The following DTX2 variants were observed in gnomAD, a reference collection of about 807,000 sequenced individuals.
The protein encoded by DTX2 is deltex E3 ubiquitin ligase 2.
In DTX2, 29 loss-of-function variants were observed where a neutral mutation model predicts 55.3. The ratio of observed to expected loss-of-function variants is 0.52; its 90% CI spans 0.39 to 0.71. DTX2 has a LOEUF of 0.71. DTX2 is among the 30% of genes least tolerant of loss of function. DTX2 has a pLI of 0.00. For synonymous variants in DTX2, 276 were observed against 340.4 expected, an observed-to-expected ratio of 0.81 and a Z score of 2.08; for missense variants, 537 against 822.5, an observed-to-expected ratio of 0.65 and a Z score of 4.25.
rs938001353 is a variant in DTX2 at position 76,505,614 on chromosome 7, G to A, written c.*13G>A. The A allele has an allele frequency of 4.0e-6, 6 of 1,502,802 alleles. No individual in the cohort carries two copies. In the African/African-American group the frequency reaches 6.9e-5, roughly 17 times the overall value. 93.1% of individuals were successfully genotyped at this position (1,502,802 alleles called of 1,614,324 possible). ...GGAGCAGCAGTGACCTCGCACCCCA[G>A]CACGCCCGCCTCTGGTGGCCACCCC... On this transcript the variant is annotated 3_prime_UTR_variant, in exon 11 of 11. Coordinates refer to ENST00000430490, the MANE Select transcript of DTX2 (RefSeq NM_001102594.3). The surrounding 1 kb of genome is among the most constrained non-coding windows in gnomAD (Gnocchi z 4.4).
chr7:76,505,059 T>A lies in DTX2; in HGVS notation c.1642-315T>A, dbSNP rs992845970. ...CCTGGATTCCACCAGGGAGGGTGGG[T>A]GGGCGGGCGCTCGTCCAGCAACGGC... On this transcript the variant is annotated intron_variant, in intron 10 of 10. Transcript: ENST00000430490. The surrounding 1 kb of genome is among the most constrained non-coding windows in gnomAD (Gnocchi z 4.4). Among the ~76,000 whole-genome samples the A allele has an allele frequency of 3.3e-4, 1 of 3,064 alleles. No homozygotes were observed. The highest frequency in any genetic ancestry group is 6.5e-4 in the Non-Finnish European group (1 of 1,534). The allele number at this position is 3,064 out of a possible 152,430, so 2.0% of individuals were successfully genotyped here.
In DTX2 at chr7:76,505,491, A is replaced by G; in HGVS notation, c.1759A>G (p.Met587Val). 3 of 1,610,070 alleles carry G rather than the reference A, an allele frequency of 1.9e-6. No individual in the cohort carries two copies. Among genetic ancestry groups the G allele is most frequent in the Non-Finnish European group, 2.5e-6 (3 of 1,178,390 alleles). ...GAACGAGATCCACCACAAGACAGAGATGGACCGCAACATTACGGGCCACGG... is the reference window on the plus strand; with the variant it reads ...GAACGAGATCCACCACAAGACAGAGGTGGACCGCAACATTACGGGCCACGG... Reference protein sequence around the residue: ...VWNEIHHKTEMDRNITGHGYP... With the variant: ...VWNEIHHKTEVDRNITGHGYP... The change falls in exon 11 of 11, where the codon ATG becomes GTG. Residue 587 changes from methionine to valine, a missense_variant. Coordinates refer to ENST00000430490, the MANE Select transcript of DTX2 (RefSeq NM_001102594.3). The surrounding 1 kb of genome is among the most constrained non-coding windows in gnomAD (Gnocchi z 4.4).
chr7:76,482,516 CG>C lies in DTX2; in HGVS notation c.280del (p.Ala94LeufsTer22). On this transcript the variant is annotated frameshift_variant, in exon 4 of 11. Transcript: ENST00000430490. LOFTEE classifies it high-confidence loss of function. ...TQFRQDTGTMRAVRRHLFPQH... is the reference protein window; with the variant it reads ...TQFRQDTGTMXAVRRHLFPQH... ...TTTTCCTTTGAAAATAGGCACCATG[CG>C]GGCTGTGCGGAGACACCTGTTCCCC... is the stretch of plus-strand genomic sequence containing the variant. 1.3e-6 allele frequency: 2 copies of C among 1,592,252 alleles called. No individual in the cohort carries two copies. The highest frequency in any genetic ancestry group is 1.7e-6 in the Non-Finnish European group (2 of 1,164,826).
intron 3 of DTX2, 116 bp downstream of exon 3, chr7:76,480,893 C>T (rs1809116471): frequency 4.9e-6 from 6 of 1,232,274 alleles, no homozygotes. Flanking sequence ...TCTCTCCCTG[C>T]AGCACACGTG....
chr7:76,475,268 G>A (rs1350351015), intron 2 of DTX2, among the ~76,000 whole-genome samples: 3 of 149,586 alleles, frequency 2.0e-5, no homozygotes, highest in South Asian at 2.1e-4. Flanking sequence ...CCGAGATCAC[G>A]CCATTGCACT....
At chr7:76,495,678 G>A (rs954251869) in intron 5 of DTX2, among the ~76,000 whole-genome samples, 10 of 150,464 alleles carry the variant, frequency 6.6e-5, no homozygotes, top group African/African-American at 1.7e-4. Context: ...CTGCCCCAGC[G>A]GGGTGCTGGA....
At chr7:76,501,974 C>T (rs1346847087) in intron 7 of DTX2, 7 of 353,784 alleles carry the variant, frequency 2.0e-5, no homozygotes, top group Non-Finnish European at 3.5e-5. Context: ...GCAACCTCTG[C>T]CCCCTGAGTT....
Position 76,483,137 on chromosome 7 carries a change from G to A in DTX2, c.898G>A (p.Gly300Ser), listed in dbSNP as rs767727619. 29 of 1,610,398 alleles carry A rather than the reference G, an allele frequency of 1.8e-5. No individual in the cohort carries two copies. The highest frequency in any genetic ancestry group is 8.9e-5 in the East Asian group (4 of 44,874). ...QHLPPGSSTS[G>S]AVSASLPSGP... Reference sequence around the variant, plus strand: ...CCTGCCCCCAGGATCCTCCACCTCCGGTGCAGTCAGGTATCGTGGGCAACG... The same window carrying A: ...CCTGCCCCCAGGATCCTCCACCTCCAGTGCAGTCAGGTATCGTGGGCAACG... The change falls in exon 4 of 11, where the codon GGT becomes AGT. Residue 300 changes from glycine to serine, a missense_variant. Gly to Ser is a moderately conservative substitution (Grantham distance 56). Transcript: ENST00000430490.
At chr7:76,486,786 T>C (rs1337742912) in intron 4 of DTX2, among the ~76,000 whole-genome samples, 1 of 142,596 alleles carries the variant, frequency 7.0e-6, no homozygotes, top group African/African-American at 2.5e-5. Context: ...TGCTCTGTGC[T>C]GAATGGCTCA....
chr7:76,475,714 A>G (rs1323796010), intron 2 of DTX2, among the ~76,000 whole-genome samples: 3 of 150,680 alleles, frequency 2.0e-5, no homozygotes, highest in African/African-American at 4.9e-5. Flanking sequence ...AAAAAATCCC[A>G]TAATTCTTTG....
chr7:76,474,928 T>C lies in DTX2; in HGVS notation c.-89-5493T>C, dbSNP rs1055094. ...CCACGATCCTCTGGACAGAGATTTG[T>C]GGCGAAGACCTGACGAGAGACTGTA... On this transcript the variant is annotated intron_variant, in intron 2 of 10. Transcript: ENST00000430490. The C allele has an allele frequency of 5.3e-5, 8 of 152,194 alleles. No individual in the cohort carries two copies. The East Asian group carries it at 5.8e-4, about 11-fold the overall frequency. 9.4% of individuals were successfully genotyped at this position (152,194 alleles called of 1,614,324 possible). A position where few individuals can be genotyped will look rare whatever the true frequency, so the allele number is the denominator to read the frequency against.
intron 2 of DTX2, among the ~76,000 whole-genome samples, chr7:76,468,188 G>A (rs1286046532): frequency 1.3e-5 from 2 of 152,282 alleles, no homozygotes; most frequent in Non-Finnish European, 2.9e-5. Flanking sequence ...GGGTGCTGTT[G>A]GCATGCTGCC....
Position 76,503,594 on chromosome 7 carries a change from G to T in DTX2, c.1551+7G>T, listed in dbSNP as rs771754261. 1.4e-5 allele frequency: 22 copies of T among 1,606,180 alleles called. No individual in the cohort carries two copies. The Admixed American group carries it at 1.8e-4, about 13-fold the overall frequency. ...CATTCCCCATGGTATCCAGGTGAGGGGCCTTCTTGAGTCCCCCACTCCTGG... is the reference window on the plus strand; with the variant it reads ...CATTCCCCATGGTATCCAGGTGAGGTGCCTTCTTGAGTCCCCCACTCCTGG... On this transcript the variant is annotated splice_region_variant and intron_variant, in intron 9 of 10. Transcript: ENST00000430490.
At chr7:76,467,991 G>A (rs553157530) in intron 2 of DTX2, among the ~76,000 whole-genome samples, 4 of 152,410 alleles carry the variant, frequency 2.6e-5, no homozygotes, top group Admixed American at 6.5e-5. Context: ...AGGGCATCCC[G>A]AGGACAGCTT....
intron 2 of DTX2, among the ~76,000 whole-genome samples, chr7:76,472,712 A>G (rs953994681): frequency 3.3e-5 from 5 of 151,192 alleles, no homozygotes; most frequent in African/African-American, 4.9e-5. Flanking sequence ...AAGTCAAACA[A>G]AACGTCTCCT....
chr7:76,474,130 A>G (rs1395919306), intron 2 of DTX2, among the ~76,000 whole-genome samples: 3 of 151,450 alleles, frequency 2.0e-5, no homozygotes, highest in Non-Finnish European at 4.4e-5. Flanking sequence ...CATGTTGGTC[A>G]GGCTGGTCTC....
At position 76,505,960 on chromosome 7, in the gene DTX2, A is replaced by G. The variant is rs544517113; in HGVS notation, c.*359A>G. 3.8e-4 allele frequency: 151 copies of G among 399,382 alleles called. 2 individuals carry two copies. The highest frequency in any genetic ancestry group is 3.8e-3 in the Middle Eastern group (6 of 1,590). The allele number at this position is 399,382 out of a possible 1,614,324, so 24.7% of individuals were successfully genotyped here. The stretch of plus-strand genomic sequence containing the variant: ...TTCTGGGTCAGCTTCTTTTACCTCA[A>G]TTTTGTTTGCAATAAATGCTCTATA... On this transcript the variant is annotated 3_prime_UTR_variant, in exon 11 of 11. Transcript: ENST00000430490. The surrounding 1 kb of genome is among the most constrained non-coding windows in gnomAD (Gnocchi z 4.4).
intron 6 of DTX2, among the ~76,000 whole-genome samples, chr7:76,498,479 G>C (rs1247335724): frequency 3.2e-4 from 47 of 148,146 alleles, no homozygotes; most frequent in Non-Finnish European, 3.4e-4. Context: ...ACACGCTCTT[G>C]GTGGGTCGCC....
rs1458329090 is a variant in DTX2 at position 76,480,613 on chromosome 7, G to T, written c.104G>T (p.Ser35Ile). ...QDGLGTWHPY[S>I]ATVCSFIEQQ... ...GGGCTGGGCACCTGGCACCCCTACA[G>T]TGCCACCGTCTGCAGCTTCATCGAG... is the stretch of plus-strand genomic sequence containing the variant. The change falls in exon 3 of 11, where the codon AGT becomes ATT. Residue 35 changes from serine to isoleucine, a missense_variant. Coordinates refer to ENST00000430490, the MANE Select transcript of DTX2 (RefSeq NM_001102594.3). 1 of 1,613,468 alleles carries T rather than the reference G, an allele frequency of 6.2e-7. No individual in the cohort carries two copies.
Sources: allele counts gnomAD v4.1 joint callset (sites outside exome capture counted in the v4.1 genomes callset), GRCh38; gene constraint gnomAD v4.1.1; non-coding constraint Gnocchi (gnomAD v3.1); transcripts MANE v1.5; gene names NCBI Gene and HGNC (gene_info 2026-07-23, HGNC 2026-07-21).